Variants in CAND1 observed in about 807,000 individuals in gnomAD.
CAND1 encodes the protein cullin-associated NEDD8-dissociated protein 1.
CAND1 carries 7 observed loss-of-function variants against 108.5 expected under a neutral mutation model. The observed-to-expected ratio is 0.06, with a 90% CI of 0.04 to 0.12. The LOEUF (loss-of-function observed/expected upper bound fraction) is 0.12, where lower values mean the gene tolerates loss of function less well. Ranked by LOEUF, CAND1 falls within the 10% of genes least tolerant of loss-of-function variation. The pLI, the probability that CAND1 is intolerant of heterozygous loss-of-function variation, is 1.00. For synonymous variants in CAND1, 534 were observed against 512.0 expected, an observed-to-expected ratio of 1.04 and a Z score of -0.58; for missense variants, 941 against 1,448.7, an observed-to-expected ratio of 0.65 and a Z score of 5.69.
At chr12:67,295,271 G>A in intron 4 of CAND1, 115 bp downstream of exon 4, 1 of 921,066 alleles carries the variant, frequency 1.1e-6, no homozygotes, top group Non-Finnish European at 1.5e-6. Context: ...ATATTTAAAT[G>A]GTGGCTGTTT....
At chr12:67,275,588 A>G (rs1565713129) in intron 1 of CAND1, among the ~76,000 whole-genome samples, 1 of 152,194 alleles carries the variant, frequency 6.6e-6, no homozygotes. Flanking sequence ...ACTGAGGAAA[A>G]GTGAAATAGC....
In CAND1 at chr12:67,317,288, A is replaced by C. The variant is rs1284475792; in HGVS notation, c.*4458A>C. ...GTAGCTGGGAGTATAGGTGTGTGCC[A>C]CCACGTCCAGCTAATTTTTTTATTT... On this transcript the variant is annotated 3_prime_UTR_variant, in exon 15 of 15. Coordinates refer to ENST00000545606, the MANE Select transcript of CAND1 (RefSeq NM_018448.5). 6.6e-6 allele frequency: 1 copy of C among 152,024 alleles called. No individual in the cohort carries two copies. The highest frequency in any genetic ancestry group is 6.6e-5 in the Admixed American group (1 of 15,258). The allele number at this position is 152,024 out of a possible 1,614,324, so 9.4% of individuals were successfully genotyped here. A position where few individuals can be genotyped will look rare whatever the true frequency, so the allele number is the denominator to read the frequency against.
intron 2 of CAND1, among the ~76,000 whole-genome samples, chr12:67,285,189 C>T (rs1246048500): frequency 6.6e-6 from 1 of 152,066 alleles, no homozygotes; most frequent in Admixed American, 6.6e-5. Flanking sequence ...CCTTGTATTG[C>T]AGTGTTGTGT....
At chr12:67,273,480 T>TC (rs1399960130) in intron 1 of CAND1, among the ~76,000 whole-genome samples, 2 of 35,482 alleles carry the variant, frequency 5.6e-5, no homozygotes, top group African/African-American at 1.3e-4. Context: ...AGTTCTTTTC[T>TC]TTTTTTTTTT....
Position 67,305,269 on chromosome 12 carries a change from A to G in CAND1, c.1601A>G (p.Lys534Arg). The G allele has an allele frequency of 6.2e-7, 1 of 1,614,168 alleles. No homozygotes were observed. Among genetic ancestry groups the G allele is most frequent in the Non-Finnish European group, 8.5e-7 (1 of 1,180,026 alleles). The stretch of plus-strand genomic sequence containing the variant: ...GCTTGTGTTGGAGACCCATTTTACA[A>G]AATTACATCTGAAGCACTTCTTGTT... ...VVACVGDPFY[K>R]ITSEALLVTQ... is the part of the protein sequence containing the mutation. The change falls in exon 10 of 15, where the codon AAA (lysine) becomes AGA (arginine). Residue 534 changes from lysine to arginine, a missense_variant. Transcript: ENST00000545606. This position sits in a 1 kb window ranked among gnomAD's most constrained non-coding sequence, Gnocchi z 4.4.
intron 1 of CAND1, chr12:67,270,464 C>G (rs1237425885): frequency 1.3e-5 from 2 of 152,160 alleles, no homozygotes; most frequent in Non-Finnish European, 2.9e-5. Context: ...CTTAGGAACT[C>G]GGGGTTTCAG....
chr12:67,272,981 C>A (rs974167681), intron 1 of CAND1, among the ~76,000 whole-genome samples: 7 of 152,010 alleles, frequency 4.6e-5, no homozygotes, highest in Non-Finnish European at 8.8e-5. Flanking sequence ...AGGCCAGCAC[C>A]GCATCCACCC....
rs1216153167 is a variant in CAND1 at position 67,298,915 on chromosome 12, C to A, written c.855-35C>A. 4 of 1,290,186 alleles carry A rather than the reference C, an allele frequency of 3.1e-6. No individual in the cohort carries two copies. In the East Asian group the frequency reaches 9.4e-5, roughly 30 times the overall value. The allele number at this position is 1,290,186 out of a possible 1,614,324, so 79.9% of individuals were successfully genotyped here. A position where few individuals can be genotyped will look rare whatever the true frequency, so the allele number is the denominator to read the frequency against. On this transcript the variant is annotated intron_variant, in intron 6 of 14. Coordinates refer to ENST00000545606, the MANE Select transcript of CAND1 (RefSeq NM_018448.5). ...AGGTAATGAATCAAGGAGTAAAATG[C>A]AGCTCTTCAAGGCAGCTTTTGTTTT...
At chr12:67,270,569 A>C (rs1360826162) in intron 1 of CAND1, 1 of 152,196 alleles carries the variant, frequency 6.6e-6, no homozygotes, top group Non-Finnish European at 1.5e-5. Flanking sequence ...GATGTTTAAT[A>C]CGGACCTGGT....
intron 1 of CAND1, among the ~76,000 whole-genome samples, chr12:67,273,471 G>GTT (rs2044540750): frequency 7.0e-6 from 1 of 142,238 alleles, no homozygotes; most frequent in Non-Finnish European, 1.5e-5. Context: ...AGGTAACTAA[G>GTT]TTCTTTTCTT....
Position 67,319,609 on chromosome 12 carries a change from A to G in CAND1, c.*6779A>G, listed in dbSNP as rs2045040495. 6.6e-6 allele frequency: 1 copy of G among 152,056 alleles called. No homozygotes were observed. The highest frequency in any genetic ancestry group is 2.1e-4 in the South Asian group (1 of 4,820). The allele number at this position is 152,056 out of a possible 1,614,324, so 9.4% of individuals were successfully genotyped here. ...AGATACTGCTATTCCCCTCCTCCAT[A>G]CCATTGCTGATGGTTACTGAGGGTA... is the stretch of plus-strand genomic sequence containing the variant. On this transcript the variant is annotated 3_prime_UTR_variant, in exon 15 of 15. Coordinates refer to ENST00000545606, the MANE Select transcript of CAND1 (RefSeq NM_018448.5).
chr12:67,308,609 A>T (rs2044914093), intron 11 of CAND1, among the ~76,000 whole-genome samples: 1 of 152,028 alleles, frequency 6.6e-6, no homozygotes, highest in Non-Finnish European at 1.5e-5. Flanking sequence ...TGAACATCAG[A>T]ACCACCTGGG....
At chr12:67,300,319 A>G (rs2044812483) in intron 7 of CAND1, among the ~76,000 whole-genome samples, 1 of 152,098 alleles carries the variant, frequency 6.6e-6, no homozygotes. Context: ...GATCTCATCT[A>G]GTCTCCTGGC....
chr12:67,302,307 TAA>T lies in CAND1; in HGVS notation c.1001-13_1001-12del. 6.2e-7 allele frequency: 1 copy of T among 1,601,890 alleles called. No homozygotes were observed. The highest frequency in any genetic ancestry group is 1.1e-5 in the South Asian group (1 of 90,614). Reference sequence around the variant, plus strand: ...CTTGTCATTAATAGCCTGTTTACATTAAAACTTACCCTTAGGGAGTGATGATG... The same window carrying T: ...CTTGTCATTAATAGCCTGTTTACATTAACTTACCCTTAGGGAGTGATGATG... On this transcript the variant is annotated splice_polypyrimidine_tract_variant and intron_variant, in intron 7 of 14. Coordinates refer to ENST00000545606, the MANE Select transcript of CAND1 (RefSeq NM_018448.5).
chr12:67,269,671 G>GGCGGC lies in CAND1; in HGVS notation c.-46_-45insCGGCG. ...CGGCGGCGGCGGCGGCAGCGGCAGC[G>GGCGGC]GGCAGCAGCTCCAGCAGCGCCAGCA... On this transcript the variant is annotated 5_prime_UTR_variant, in exon 1 of 15. Transcript: ENST00000545606. The GGCGGC allele has an allele frequency of 6.5e-7, 1 of 1,533,742 alleles. No homozygotes were observed. The highest frequency in any genetic ancestry group is 1.4e-5 in the African/African-American group (1 of 71,004).
At chr12:67,304,864 T>C (rs2044862787) in intron 9 of CAND1, 118 bp downstream of exon 9, 11 of 1,202,458 alleles carry the variant, frequency 9.1e-6, no homozygotes, top group Non-Finnish European at 1.3e-5. Flanking sequence ...AATATGCACA[T>C]AGAGCTAACT....
chr12:67,277,257 G>T (rs1320416733), intron 1 of CAND1, among the ~76,000 whole-genome samples: 1 of 152,142 alleles, frequency 6.6e-6, no homozygotes, highest in Admixed American at 6.5e-5. Flanking sequence ...CTGAACCATT[G>T]CTTCTGAGGG....
intron 1 of CAND1, among the ~76,000 whole-genome samples, chr12:67,271,500 G>T (rs111808501): frequency 0.019 from 2,948 of 152,268 alleles, 33 homozygotes; most frequent in Non-Finnish European, 0.028. Flanking sequence ...AAAGGCTAAA[G>T]AAATTATGTG....
At chr12:67,270,744 T>A (rs2044513310) in intron 1 of CAND1, 1 of 143,310 alleles carries the variant, frequency 7.0e-6, no homozygotes. Flanking sequence ...CCGCCTCCCA[T>A]CTCTTCACAA....
Sources: gnomAD v4.1 joint callset for allele counts (sites outside exome capture counted in the v4.1 genomes callset) on GRCh38, gnomAD v4.1.1 for gene constraint, Gnocchi (gnomAD v3.1) non-coding constraint, MANE v1.5 for transcripts, NCBI Gene and HGNC (gene_info 2026-07-23, HGNC 2026-07-21) for gene names.